Variants in TGFB2 observed in about 807,000 individuals in gnomAD.
TGFB2 encodes transforming growth factor beta 2, also known as transforming growth factor beta-2 proprotein.
A neutral mutation model predicts 42.7 loss-of-function variants in TGFB2; 13 were observed. That is an observed-to-expected ratio of 0.30 (90% CI 0.20 to 0.48). The LOEUF is 0.48. TGFB2 is among the 20% of genes least tolerant of loss of function. TGFB2 has a pLI of 0.99. For synonymous variants in TGFB2, 193 were observed against 193.6 expected, an observed-to-expected ratio of 1.00 and a Z score of 0.03; for missense variants, 390 against 517.5, an observed-to-expected ratio of 0.75 and a Z score of 2.39.
At chr1:218,367,255 G>T (rs1172987266) in intron 1 of TGFB2, among the ~76,000 whole-genome samples, 1 of 152,166 alleles carries the variant, frequency 6.6e-6, no homozygotes, top group African/African-American at 2.4e-5. Flanking sequence ...CCTCTTGGTG[G>T]CCTGAATCGT....
At chr1:218,436,293 C>T in intron 5 of TGFB2, 146 bp downstream of exon 5, 1 of 736,648 alleles carries the variant, frequency 1.4e-6, no homozygotes. Flanking sequence ...CTCATAATAC[C>T]ATTCTTCCCA....
At chr1:218,384,668 T>C (rs1658072763) in intron 1 of TGFB2, among the ~76,000 whole-genome samples, 1 of 152,182 alleles carries the variant, frequency 6.6e-6, no homozygotes, top group Non-Finnish European at 1.5e-5. Flanking sequence ...GAGGCTGGCT[T>C]TCCAGGCAGT....
Position 218,384,260 on chromosome 1 carries a change from C to T in TGFB2, c.347-20909C>T, listed in dbSNP as rs558573766. 2.0e-5 allele frequency among the ~76,000 whole-genome samples: 3 copies of T among 152,018 alleles called. No individual in the cohort carries two copies. The East Asian group carries it at 5.8e-4, about 29-fold the overall frequency. ...ATTTTCAGGTAGATAATTAAAGTAG[C>T]TATGTATGTAGGAATGGAGTTAGAA... is the stretch of plus-strand genomic sequence containing the variant. On this transcript the variant is annotated intron_variant, in intron 1 of 6. Coordinates refer to ENST00000366930, the MANE Select transcript of TGFB2 (RefSeq NM_003238.6).
At chr1:218,364,923 A>G (rs142672762) in intron 1 of TGFB2, among the ~76,000 whole-genome samples, 2 of 152,206 alleles carry the variant, frequency 1.3e-5, no homozygotes, top group African/African-American at 2.4e-5. Flanking sequence ...CACTAGCTCA[A>G]CCAAGGAGTT....
In TGFB2 at chr1:218,387,690, T is replaced by C. The variant is rs144332570; in HGVS notation, c.347-17479T>C. Among the ~76,000 whole-genome samples the C allele has an allele frequency of 6.8e-4, 103 of 152,290 alleles. No individual in the cohort carries two copies. The East Asian group carries it at 0.016, about 24-fold the overall frequency. The stretch of plus-strand genomic sequence containing the variant: ...TCACTCCTGAAAAGCCCCTCCCATA[T>C]TGCACATCTTAAATCCCTTCACAGC... On this transcript the variant is annotated intron_variant, in intron 1 of 6. Coordinates refer to ENST00000366930, the MANE Select transcript of TGFB2 (RefSeq NM_003238.6).
intron 2 of TGFB2, among the ~76,000 whole-genome samples, chr1:218,408,061 G>A (rs532923096): frequency 6.6e-6 from 1 of 152,200 alleles, no homozygotes; most frequent in Admixed American, 6.5e-5. Flanking sequence ...GCTGACGATA[G>A]CATCATAGGT....
chr1:218,399,835 C>G (rs779900509), intron 1 of TGFB2, among the ~76,000 whole-genome samples: 4 of 152,046 alleles, frequency 2.6e-5, no homozygotes, highest in Admixed American at 6.5e-5. Flanking sequence ...CCACTGACCA[C>G]CTGGCAGTTC....
At chr1:218,385,922 C>A (rs1658119981) in intron 1 of TGFB2, among the ~76,000 whole-genome samples, 1 of 152,050 alleles carries the variant, frequency 6.6e-6, no homozygotes, top group South Asian at 2.1e-4. Context: ...TCCCCCAAAC[C>A]AGAATAAGTT....
chr1:218,392,099 C>A (rs1658332910), intron 1 of TGFB2, among the ~76,000 whole-genome samples: 1 of 152,108 alleles, frequency 6.6e-6, no homozygotes, highest in East Asian at 1.9e-4. Flanking sequence ...CGCCTGTAAT[C>A]CCAGCACTTT....
intron 5 of TGFB2, 96 bp downstream of exon 5, chr1:218,436,243 C>A: frequency 7.6e-7 from 1 of 1,310,040 alleles, no homozygotes; most frequent in Non-Finnish European, 1.1e-6. Context: ...AAGTGGAACT[C>A]ACTGCTAAGG....
intron 1 of TGFB2, among the ~76,000 whole-genome samples, chr1:218,359,873 G>A (rs1368637045): frequency 1.3e-5 from 2 of 152,178 alleles, no homozygotes; most frequent in East Asian, 3.8e-4. Context: ...ATTGCAGTAA[G>A]AATGGCTTTA....
intron 1 of TGFB2, among the ~76,000 whole-genome samples, chr1:218,376,319 G>A (rs1042858913): frequency 6.6e-6 from 1 of 152,200 alleles, no homozygotes; most frequent in African/African-American, 2.4e-5. Context: ...CGGAACATCA[G>A]CCACCTCAAT....
rs1158175699 is a variant in TGFB2 at position 218,346,625 on chromosome 1, C to T, written c.-77C>T. On this transcript the variant is annotated 5_prime_UTR_variant, in exon 1 of 7. Transcript: ENST00000366930. The surrounding 1 kb of genome is among the most constrained non-coding windows in gnomAD (Gnocchi z 4.9). Reference sequence around the variant, plus strand: ...AAAAAACCAAACAACTCTCCTTGATCTATACTTTGAGAATTGTTGATTTCT... The same window carrying T: ...AAAAAACCAAACAACTCTCCTTGATTTATACTTTGAGAATTGTTGATTTCT... The T allele has an allele frequency of 3.0e-6, 4 of 1,317,530 alleles. No individual in the cohort carries two copies. The highest frequency in any genetic ancestry group is 2.1e-6 in the Non-Finnish European group (2 of 964,122). 81.6% of individuals were successfully genotyped at this position (1,317,530 alleles called of 1,614,324 possible).
At position 218,346,166 on chromosome 1, in the gene TGFB2, G is replaced by C. The variant is rs1469310379; in HGVS notation, c.-536G>C. On this transcript the variant is annotated 5_prime_UTR_variant, in exon 1 of 7. Coordinates refer to ENST00000366930, the MANE Select transcript of TGFB2 (RefSeq NM_003238.6). This position sits in a 1 kb window ranked among gnomAD's most constrained non-coding sequence, Gnocchi z 4.9. Reference sequence around the variant, plus strand: ...CCGCAGTGGAAGGCAGGACCGAACCGCTCCTTCTTTAAATATATAAATTTC... The same window carrying C: ...CCGCAGTGGAAGGCAGGACCGAACCCCTCCTTCTTTAAATATATAAATTTC... 6.4e-6 allele frequency: 1 copy of C among 155,814 alleles called. No homozygotes were observed. The highest frequency in any genetic ancestry group is 1.9e-4 in the East Asian group (1 of 5,186). The allele number at this position is 155,814 out of a possible 1,614,324, so 9.7% of individuals were successfully genotyped here.
intron 1 of TGFB2, among the ~76,000 whole-genome samples, chr1:218,365,868 AAGG>A (rs1657370918): frequency 6.6e-6 from 1 of 152,060 alleles, no homozygotes; most frequent in Non-Finnish European, 1.5e-5. Flanking sequence ...TCTCCATTCC[AAGG>A]AGATGTTGGG....
intron 1 of TGFB2, among the ~76,000 whole-genome samples, chr1:218,388,128 C>T (rs1237493332): frequency 6.6e-6 from 1 of 152,220 alleles, no homozygotes; most frequent in African/African-American, 2.4e-5. Context: ...GGAGAAGGCA[C>T]ATTTTGGCTC....
chr1:218,411,934 A>G (rs898028813), intron 2 of TGFB2, among the ~76,000 whole-genome samples: 2 of 152,162 alleles, frequency 1.3e-5, no homozygotes, highest in African/African-American at 4.8e-5. Flanking sequence ...CTATTAATCA[A>G]ATGAACTACA....
chr1:218,382,118 T>A (rs542473361), intron 1 of TGFB2, among the ~76,000 whole-genome samples: 6 of 151,812 alleles, frequency 4.0e-5, no homozygotes, highest in East Asian at 3.9e-4. Flanking sequence ...AAAAAAAAAA[T>A]TTTATGAAGT....
chr1:218,419,423 A>G (rs1659385192), intron 2 of TGFB2, among the ~76,000 whole-genome samples: 1 of 152,032 alleles, frequency 6.6e-6, no homozygotes, highest in African/African-American at 2.4e-5. Context: ...TTCCCAACAC[A>G]TCCTAGCCCC....
Sources: gnomAD v4.1 joint callset for allele counts (sites outside exome capture counted in the v4.1 genomes callset) on GRCh38, gnomAD v4.1.1 for gene constraint, Gnocchi (gnomAD v3.1) non-coding constraint, MANE v1.5 for transcripts, NCBI Gene and HGNC (gene_info 2026-07-23, HGNC 2026-07-21) for gene names.